Variants in ALK observed in about 807,000 individuals in gnomAD.
ALK encodes the protein ALK receptor tyrosine kinase, also known as ALK tyrosine kinase receptor.
Under a neutral mutation model 163.1 loss-of-function variants are expected in ALK, and 74 were observed. The ratio of observed to expected loss-of-function variants is 0.45; its 90% confidence interval spans 0.38 to 0.55. The LOEUF (loss-of-function observed/expected upper bound fraction) is 0.55. Ranked by LOEUF, ALK falls within the 20% of genes least tolerant of loss-of-function variation. ALK has a pLI of 0.00. For synonymous variants in ALK, 960 were observed against 843.2 expected, an observed-to-expected ratio of 1.14 and a Z score of -2.40; for missense variants, 2,063 against 2,105.3, an observed-to-expected ratio of 0.98 and a Z score of 0.39.
chr2:29,685,799 G>A lies in ALK; in HGVS notation c.952+9051C>T, dbSNP rs150054138. Among the ~76,000 whole-genome samples the A allele has an allele frequency of 5.0e-3, 765 of 152,312 alleles. 12 individuals are homozygous for A. Among genetic ancestry groups the A allele is most frequent in the African/African-American group, 0.017 (703 of 41,564 alleles). On this transcript the variant is annotated intron_variant, in intron 3 of 28. Coordinates refer to ENST00000389048, the MANE Select transcript of ALK (RefSeq NM_004304.5). ...TTCTGCAGGTAAGAAGTCTAAAATGGGTTGGTGGAACTGCGTTCCTTCTGA... is the reference window on the plus strand; with the variant it reads ...TTCTGCAGGTAAGAAGTCTAAAATGAGTTGGTGGAACTGCGTTCCTTCTGA...
chr2:29,609,111 ATAGAGT>A (rs1216339912), intron 3 of ALK, among the ~76,000 whole-genome samples: 2 of 152,054 alleles, frequency 1.3e-5, no homozygotes, highest in Admixed American at 1.3e-4. Context: ...TTTAGTAGAG[ATAGAGT>A]TTCACCATAT....
chr2:29,209,724 C>G, intron 25 of ALK, 62 bp downstream of exon 25: 4 of 1,237,216 alleles, frequency 3.2e-6, no homozygotes, highest in South Asian at 1.2e-5. Flanking sequence ...CAGCCACACC[C>G]CATTCTTGAG....
At chr2:29,771,357 T>C (rs962646264) in intron 1 of ALK, among the ~76,000 whole-genome samples, 2 of 152,148 alleles carry the variant, frequency 1.3e-5, no homozygotes, top group African/African-American at 2.4e-5. Context: ...TTAGAGTACA[T>C]AGGACAAGTT....
intron 1 of ALK, among the ~76,000 whole-genome samples, chr2:29,809,458 T>C (rs532475205): frequency 6.6e-6 from 1 of 152,358 alleles, no homozygotes; most frequent in East Asian, 1.9e-4. Flanking sequence ...AATAAATGAC[T>C]ACATGGCAGA....
At chr2:29,298,319 G>C (rs1055714814) in intron 8 of ALK, among the ~76,000 whole-genome samples, 2 of 152,160 alleles carry the variant, frequency 1.3e-5, no homozygotes, top group African/African-American at 4.8e-5. Flanking sequence ...ATAAATGAAT[G>C]AATCTGTTAA....
At chr2:29,496,473 T>C (rs1219364010) in intron 4 of ALK, among the ~76,000 whole-genome samples, 1 of 152,188 alleles carries the variant, frequency 6.6e-6, no homozygotes, top group Non-Finnish European at 1.5e-5. Context: ...GCTATAGATC[T>C]TTATGTTTTT....
intron 1 of ALK, among the ~76,000 whole-genome samples, chr2:29,916,195 G>C (rs879186188): frequency 6.6e-6 from 1 of 152,180 alleles, no homozygotes; most frequent in Admixed American, 6.5e-5. Context: ...CCATTCCATA[G>C]TCAGAGGAAT....
At chr2:29,839,624 A>G (rs1665650087) in intron 1 of ALK, among the ~76,000 whole-genome samples, 1 of 152,152 alleles carries the variant, frequency 6.6e-6, no homozygotes, top group South Asian at 2.1e-4. Flanking sequence ...AGCCCTTGGC[A>G]CATTCTCTCT....
At chr2:29,486,937 GT>G (rs1671787721) in intron 4 of ALK, among the ~76,000 whole-genome samples, 1 of 152,166 alleles carries the variant, frequency 6.6e-6, no homozygotes, top group Non-Finnish European at 1.5e-5. Flanking sequence ...AACTGCCTAT[GT>G]AATTAAATGA....
chr2:29,428,470 G>A (rs1002049139), intron 4 of ALK, among the ~76,000 whole-genome samples: 3 of 151,666 alleles, frequency 2.0e-5, no homozygotes, highest in Admixed American at 6.6e-5. Context: ...GGATTATAAA[G>A]GAATACTGTT....
rs186711817 is a variant in ALK, at chr2:29,482,257, G to T, written c.1154+49658C>A. On this transcript the variant is annotated intron_variant, in intron 4 of 28. Coordinates refer to ENST00000389048, the MANE Select transcript of ALK (RefSeq NM_004304.5). ...GATGGGATACACCAGTGGACAGTGT[G>T]CCATGAGCAGGGGAGTTATTTTACT... Among the ~76,000 whole-genome samples, 12 of 152,314 alleles carry T rather than the reference G, an allele frequency of 7.9e-5. No individual in the cohort carries two copies. In the East Asian group the frequency reaches 2.1e-3, roughly 27 times the overall value.
At chr2:29,606,443 A>G (rs1425700777) in intron 3 of ALK, among the ~76,000 whole-genome samples, 2 of 152,244 alleles carry the variant, frequency 1.3e-5, no homozygotes, top group Non-Finnish European at 2.9e-5. Flanking sequence ...TAAATTGCAA[A>G]GAATTTAAGC....
At chr2:29,256,343 C>T (rs1664949008) in intron 11 of ALK, among the ~76,000 whole-genome samples, 1 of 152,132 alleles carries the variant, frequency 6.6e-6, no homozygotes, top group Admixed American at 6.5e-5. Context: ...GTTTACTGTG[C>T]ACCTAATATA....
chr2:29,820,828 G>T (rs181758663), intron 1 of ALK, among the ~76,000 whole-genome samples: 35 of 152,300 alleles, frequency 2.3e-4, no homozygotes, highest in African/African-American at 8.2e-4. Flanking sequence ...CTTGCCAAAT[G>T]GGACTCAGAG....
intron 28 of ALK, among the ~76,000 whole-genome samples, chr2:29,196,366 A>G (rs555131792): frequency 3.2e-4 from 49 of 152,326 alleles, no homozygotes; most frequent in African/African-American, 9.1e-4. Context: ...TAATCTATCA[A>G]TTTTATATGC....
intron 9 of ALK, among the ~76,000 whole-genome samples, chr2:29,283,486 C>T (rs897960128): frequency 7.9e-5 from 12 of 152,162 alleles, no homozygotes; most frequent in Admixed American, 2.6e-4. Context: ...GACATGGTAC[C>T]GAGATGGCAG....
chr2:29,878,839 G>A (rs897652397), intron 1 of ALK, among the ~76,000 whole-genome samples: 2 of 152,166 alleles, frequency 1.3e-5, no homozygotes, highest in African/African-American at 4.8e-5. Context: ...AGGTCTAAGA[G>A]GAAAGTAAAA....
At position 29,343,747 on chromosome 2, in the gene ALK, G is replaced by C. The variant is rs79839292; in HGVS notation, c.1283-15266C>G. 4.8e-3 allele frequency among the ~76,000 whole-genome samples: 727 copies of C among 152,244 alleles called. 8 individuals carry two copies. The highest frequency in any genetic ancestry group is 0.017 in the African/African-American group (701 of 41,530). On this transcript the variant is annotated intron_variant, in intron 5 of 28. Transcript: ENST00000389048. ...GATGACAATTTGGAAAGCATATGGG[G>C]AGACTCTCAGCTCAGCTAGAATCCT...
At chr2:29,348,543 T>C (rs559879152) in intron 5 of ALK, among the ~76,000 whole-genome samples, 2 of 152,290 alleles carry the variant, frequency 1.3e-5, no homozygotes, top group Admixed American at 6.5e-5. Context: ...ACAAGGTCAG[T>C]TGGGCCATTT....
Sources: allele counts gnomAD v4.1 joint callset (sites outside exome capture counted in the v4.1 genomes callset), GRCh38; gene constraint gnomAD v4.1.1; transcripts MANE v1.5; gene names NCBI Gene and HGNC (gene_info 2026-07-23, HGNC 2026-07-21).